Variants in DPYSL2 observed in about 807,000 individuals in gnomAD.
DPYSL2 encodes dihydropyrimidinase-related protein 2.
DPYSL2 carries 13 observed loss-of-function variants against 69.9 expected under a neutral mutation model. The observed-to-expected ratio is 0.19, with a 90% CI of 0.12 to 0.30. The LOEUF (loss-of-function observed/expected upper bound fraction) is 0.30, where lower values mean the gene tolerates loss of function less well. Among genes scored for constraint, DPYSL2 ranks in the 10% least tolerant of loss-of-function variants. The pLI is 1.00. For missense variants in DPYSL2, 587 were observed against 918.9 expected (o/e 0.64, Z 4.67); for synonymous variants, 326 against 359.1 (o/e 0.91, Z 1.04).
At chr8:26,554,917 A>C (rs934841883) in intron 1 of DPYSL2, among the ~76,000 whole-genome samples, 1 of 152,204 alleles carries the variant, frequency 6.6e-6, no homozygotes, top group East Asian at 1.9e-4. Context: ...AAGAGTTTCT[A>C]CATTAGAACC....
At chr8:26,581,284 A>G (rs1281698482) in intron 1 of DPYSL2, among the ~76,000 whole-genome samples, 2 of 151,988 alleles carry the variant, frequency 1.3e-5, no homozygotes, top group Admixed American at 6.6e-5. Context: ...TTTCCAAGAC[A>G]TGGCTTTCCT....
intron 1 of DPYSL2, among the ~76,000 whole-genome samples, chr8:26,566,737 TTTAGACTCAAGTCCCAGTGAGTCTATG>T (rs910313169): frequency 1.3e-5 from 2 of 152,202 alleles, no homozygotes; most frequent in African/African-American, 4.8e-5. Context: ...GGAAGGTTAT[TTTAGACTCAAGTCCCAGTGAGTCTATG>T]TTAGACTCAA....
rs1436275054 is a variant in DPYSL2, at chr8:26,564,837, G to A, written c.355-17132G>A. Among the ~76,000 whole-genome samples, 5 of 152,104 alleles carry A rather than the reference G, an allele frequency of 3.3e-5. No homozygotes were observed. Among genetic ancestry groups the A allele is most frequent in the Non-Finnish European group, 7.4e-5 (5 of 68,022 alleles). The stretch of plus-strand genomic sequence containing the variant: ...GGTTACATAGATGAATTGTATAGTG[G>A]TGAAGTCTGAGATTTTAGTGCACCC... On this transcript the variant is annotated intron_variant, in intron 1 of 13. Coordinates refer to ENST00000521913, the MANE Select transcript of DPYSL2 (RefSeq NM_001197293.3). The surrounding 1 kb of genome is among the most constrained non-coding windows in gnomAD (Gnocchi z 4.8).
In DPYSL2 at chr8:26,647,413, A is replaced by G. The variant is rs1413286862; in HGVS notation, c.1426-217A>G. 6.6e-6 allele frequency among the ~76,000 whole-genome samples: 1 copy of G among 152,092 alleles called. No individual in the cohort carries two copies. Among genetic ancestry groups the G allele is most frequent in the Non-Finnish European group, 1.5e-5 (1 of 68,022 alleles). On this transcript the variant is annotated intron_variant, in intron 10 of 13. Transcript: ENST00000521913. This position sits in a 1 kb window ranked among gnomAD's most constrained non-coding sequence, Gnocchi z 5.1. ...CCTGGAAGAACCCATCTAGCCCCTC[A>G]TCTGTTCTCCATCTCTACCATTTTG...
chr8:26,603,678 T>C (rs1264478484), intron 3 of DPYSL2, among the ~76,000 whole-genome samples: 3 of 152,228 alleles, frequency 2.0e-5, no homozygotes, highest in African/African-American at 7.2e-5. Flanking sequence ...CCCACCTTTC[T>C]CTAGCCCCTG....
Position 26,514,332 on chromosome 8 carries a change from G to C in DPYSL2, c.7G>C (p.Glu3Gln), listed in dbSNP as rs1484728050. Reference protein sequence around the residue: MAERKQSGKAAED... With the variant: MAQRKQSGKAAED... ...CTACCCGAGCCCCCGAGCCATGGCC[G>C]AGAGAAAGCAATCCGGGAAGGCGGC... Residue 3 changes from glutamate to glutamine, a missense_variant, in exon 1 of 14, where the codon GAG becomes CAG. By Grantham distance (29) the Glu-to-Gln change is conservative. Coordinates refer to ENST00000521913, the MANE Select transcript of DPYSL2 (RefSeq NM_001197293.3). This position sits in a 1 kb window ranked among gnomAD's most constrained non-coding sequence, Gnocchi z 8.4. 6.8e-7 allele frequency: 1 copy of C among 1,461,328 alleles called. No individual in the cohort carries two copies. Among genetic ancestry groups the C allele is most frequent in the South Asian group, 1.4e-5 (1 of 72,340 alleles). 90.5% of individuals were successfully genotyped at this position (1,461,328 alleles called of 1,614,324 possible). A position where few individuals can be genotyped will look rare whatever the true frequency, so the allele number is the denominator to read the frequency against.
chr8:26,518,935 C>A (rs1201195515), intron 1 of DPYSL2, among the ~76,000 whole-genome samples: 2 of 152,182 alleles, frequency 1.3e-5, no homozygotes, highest in Non-Finnish European at 1.5e-5. Flanking sequence ...TAGGCTTCCC[C>A]AGGTCTGGGG....
At position 26,536,439 on chromosome 8, in the gene DPYSL2, G is replaced by A. The variant is rs560542974; in HGVS notation, c.354+21760G>A. Among the ~76,000 whole-genome samples, 58 of 152,158 alleles carry A rather than the reference G, an allele frequency of 3.8e-4. 1 individual carries two copies. The highest frequency in any genetic ancestry group is 1.1e-3 in the African/African-American group (44 of 41,560). Reference sequence around the variant, plus strand: ...TAATCCTAGCACTTTGGGAGGCTGAGGCGGTTGGATCACCTGAGGTCAGGA... The same window carrying A: ...TAATCCTAGCACTTTGGGAGGCTGAAGCGGTTGGATCACCTGAGGTCAGGA... On this transcript the variant is annotated intron_variant, in intron 1 of 13. Coordinates refer to ENST00000521913, the MANE Select transcript of DPYSL2 (RefSeq NM_001197293.3).
At chr8:26,594,945 A>C (rs1801824262) in intron 3 of DPYSL2, among the ~76,000 whole-genome samples, 1 of 152,110 alleles carries the variant, frequency 6.6e-6, no homozygotes, top group South Asian at 2.1e-4. Context: ...ACTTTGGGAG[A>C]TTGAGGTGGG....
chr8:26,525,997 T>A (rs1808469488), intron 1 of DPYSL2, among the ~76,000 whole-genome samples: 1 of 152,256 alleles, frequency 6.6e-6, no homozygotes, highest in Non-Finnish European at 1.5e-5. Context: ...TCTGTGACAT[T>A]TCTTGTTAGA....
At chr8:26,550,107 A>G (rs1800848977) in intron 1 of DPYSL2, among the ~76,000 whole-genome samples, 1 of 152,222 alleles carries the variant, frequency 6.6e-6, no homozygotes, top group African/African-American at 2.4e-5. Flanking sequence ...AGGTAGTTAT[A>G]GCTTATGGGT....
intron 3 of DPYSL2, among the ~76,000 whole-genome samples, chr8:26,616,144 G>C (rs1456139609): frequency 1.3e-5 from 2 of 152,212 alleles, no homozygotes; most frequent in African/African-American, 4.8e-5. Flanking sequence ...TGGTGAGGAA[G>C]TGGTAGAACT....
intron 1 of DPYSL2, among the ~76,000 whole-genome samples, chr8:26,521,722 T>G (rs1241307303): frequency 6.6e-6 from 1 of 152,174 alleles, no homozygotes; most frequent in Non-Finnish European, 1.5e-5. Flanking sequence ...GCTTTTTTTT[T>G]CCTGAGTGGA....
chr8:26,635,267 C>T (rs994445259), intron 8 of DPYSL2, among the ~76,000 whole-genome samples: 3 of 152,226 alleles, frequency 2.0e-5, no homozygotes, highest in Non-Finnish European at 2.9e-5. Context: ...TCATGCACCT[C>T]CCCTCCAAGG....
Position 26,537,418 on chromosome 8 carries a change from T to C in DPYSL2, c.354+22739T>C, listed in dbSNP as rs1800610059. 2.6e-5 allele frequency among the ~76,000 whole-genome samples: 4 copies of C among 152,188 alleles called. No homozygotes were observed. In the South Asian group the frequency reaches 8.3e-4, roughly 32 times the overall value. Reference sequence around the variant, plus strand: ...GTTTTTGTCATATCTACCTATAACGTTTGCTATTATTTATCCAATATTGTG... The same window carrying C: ...GTTTTTGTCATATCTACCTATAACGCTTGCTATTATTTATCCAATATTGTG... On this transcript the variant is annotated intron_variant, in intron 1 of 13. Transcript: ENST00000521913.
At chr8:26,523,157 ATAT>A (rs1202250470) in intron 1 of DPYSL2, among the ~76,000 whole-genome samples, 4 of 150,982 alleles carry the variant, frequency 2.6e-5, no homozygotes, top group Non-Finnish European at 3.0e-5. Flanking sequence ...ATACATGTAT[ATAT>A]ATATATATAT....
Position 26,626,748 on chromosome 8 carries a change from A to G in DPYSL2, c.855+70A>G. On this transcript the variant is annotated intron_variant, in intron 5 of 13. Coordinates refer to ENST00000521913, the MANE Select transcript of DPYSL2 (RefSeq NM_001197293.3). This position sits in a 1 kb window ranked among gnomAD's most constrained non-coding sequence, Gnocchi z 4.3. Reference sequence around the variant, plus strand: ...CCTTCAGGCTGTGGCCGTTTGGGAAAGCAGTCTCCGATGTATGCATGTTTC... The same window carrying G: ...CCTTCAGGCTGTGGCCGTTTGGGAAGGCAGTCTCCGATGTATGCATGTTTC... 1 of 1,517,774 alleles carries G rather than the reference A, an allele frequency of 6.6e-7. No homozygotes were observed. Among genetic ancestry groups the G allele is most frequent in the Non-Finnish European group, 9.1e-7 (1 of 1,096,504 alleles). 94.0% of individuals were successfully genotyped at this position (1,517,774 alleles called of 1,614,324 possible). A position where few individuals can be genotyped will look rare whatever the true frequency, so the allele number is the denominator to read the frequency against.
chr8:26,587,357 C>T lies in DPYSL2; in HGVS notation c.628+3374C>T, dbSNP rs1003790741. Reference sequence around the variant, plus strand: ...AATCTCCCTCTTCCTCCCAACTCCCCGCCACCCCGCCCCTGGGCACTCCAC... The same window carrying T: ...AATCTCCCTCTTCCTCCCAACTCCCTGCCACCCCGCCCCTGGGCACTCCAC... On this transcript the variant is annotated intron_variant, in intron 3 of 13. Transcript: ENST00000521913. This position sits in a 1 kb window ranked among gnomAD's most constrained non-coding sequence, Gnocchi z 4.2. 2.0e-5 allele frequency among the ~76,000 whole-genome samples: 3 copies of T among 152,120 alleles called. No individual in the cohort carries two copies. The highest frequency in any genetic ancestry group is 4.8e-5 in the African/African-American group (2 of 41,424).
chr8:26,590,057 T>C (rs146060662), intron 3 of DPYSL2, among the ~76,000 whole-genome samples: 58 of 152,340 alleles, frequency 3.8e-4, no homozygotes, highest in African/African-American at 1.3e-3. Context: ...TCCCTCCTTA[T>C]GGCGAGTACA....
Sources: allele counts gnomAD v4.1 joint callset (sites outside exome capture counted in the v4.1 genomes callset), GRCh38; gene constraint gnomAD v4.1.1; non-coding constraint Gnocchi (gnomAD v3.1); transcripts MANE v1.5; gene names NCBI Gene and HGNC (gene_info 2026-07-23, HGNC 2026-07-21).